The following LRRC4C variants were observed in gnomAD, a reference collection of about 807,000 sequenced individuals.
LRRC4C encodes the protein leucine rich repeat containing 4C, also known as leucine-rich repeat-containing protein 4C.
LRRC4C carries 5 observed loss-of-function variants against 33.6 expected under a neutral mutation model. The observed-to-expected ratio is 0.15, with a 90% CI of 0.08 to 0.31. LRRC4C has a LOEUF of 0.31. Ranked by LOEUF, LRRC4C falls within the 10% of genes least tolerant of loss-of-function variation. The pLI, the probability that LRRC4C is intolerant of heterozygous loss-of-function variation, is 1.00. For synonymous variants in LRRC4C, 329 were observed against 302.0 expected (o/e 1.09, Z -0.93); for missense variants, 560 against 796.7 (o/e 0.70, Z 3.58).
rs531585181 is a variant in LRRC4C, at chr11:40,558,702, A to T, written c.-270+89440T>A. On this transcript the variant is annotated intron_variant, in intron 3 of 6. Transcript: ENST00000528697. ...TTAGCCTAAACGGACATGATTTTTT[A>T]AAAACTTTTATATTAGGTTTGGGAG... is the stretch of plus-strand genomic sequence containing the variant. 5.9e-5 allele frequency among the ~76,000 whole-genome samples: 9 copies of T among 152,262 alleles called. No homozygotes were observed. The South Asian group carries it at 1.9e-3, about 32-fold the overall frequency.
At chr11:41,353,666 A>G (rs1952059941) in intron 1 of LRRC4C, among the ~76,000 whole-genome samples, 1 of 152,224 alleles carries the variant, frequency 6.6e-6, no homozygotes, top group Non-Finnish European at 1.5e-5. Flanking sequence ...CAAAAAGCTA[A>G]TCTACCACAA....
chr11:40,886,130 C>T (rs528399802), intron 2 of LRRC4C, among the ~76,000 whole-genome samples: 2 of 152,130 alleles, frequency 1.3e-5, no homozygotes, highest in African/African-American at 2.4e-5. Context: ...ATAAATAATA[C>T]ACTTATATTT....
At chr11:40,972,527 T>C (rs559598749) in intron 1 of LRRC4C, among the ~76,000 whole-genome samples, 1 of 152,136 alleles carries the variant, frequency 6.6e-6, no homozygotes, top group Non-Finnish European at 1.5e-5. Context: ...CATACTACTA[T>C]AAAGAACTGT....
chr11:40,425,415 A>C (rs1366620542), intron 3 of LRRC4C, among the ~76,000 whole-genome samples: 1 of 152,174 alleles, frequency 6.6e-6, no homozygotes, highest in Non-Finnish European at 1.5e-5. Context: ...ACTGGAGGAA[A>C]TTTTGTTTGC....
At chr11:40,373,029 T>C (rs551157309) in intron 3 of LRRC4C, among the ~76,000 whole-genome samples, 1 of 152,166 alleles carries the variant, frequency 6.6e-6, no homozygotes, top group Admixed American at 6.5e-5. Flanking sequence ...CTGGTAATGG[T>C]GAGCTAGTTC....
intron 1 of LRRC4C, among the ~76,000 whole-genome samples, chr11:41,282,907 T>C (rs1668810987): frequency 6.6e-6 from 1 of 152,182 alleles, no homozygotes; most frequent in African/African-American, 2.4e-5. Flanking sequence ...GAAACTGGTA[T>C]TCTTTTATCA....
At chr11:41,416,858 T>A (rs535648155) in intron 1 of LRRC4C, among the ~76,000 whole-genome samples, 1 of 152,164 alleles carries the variant, frequency 6.6e-6, no homozygotes, top group East Asian at 1.9e-4. Context: ...ATACCCCTGG[T>A]GTCATTTGAG....
intron 5 of LRRC4C, among the ~76,000 whole-genome samples, chr11:40,231,338 T>C (rs1736612842): frequency 6.6e-6 from 1 of 152,236 alleles, no homozygotes; most frequent in Non-Finnish European, 1.5e-5. Context: ...TAAGATGATA[T>C]GTCATTTTGA....
intron 4 of LRRC4C, among the ~76,000 whole-genome samples, chr11:40,265,117 T>C (rs1010733417): frequency 2.6e-5 from 4 of 152,128 alleles, no homozygotes; most frequent in African/African-American, 9.7e-5. Context: ...CCAAATTAAT[T>C]TTCCCTCCTT....
At chr11:40,772,351 G>A (rs990872856) in intron 2 of LRRC4C, among the ~76,000 whole-genome samples, 6 of 152,092 alleles carry the variant, frequency 3.9e-5, no homozygotes, top group Middle Eastern at 3.2e-3. Flanking sequence ...TACTTCCCAC[G>A]AGGTCCCTCT....
chr11:40,313,247 C>G (rs1945403504), intron 4 of LRRC4C, among the ~76,000 whole-genome samples: 1 of 152,116 alleles, frequency 6.6e-6, no homozygotes, highest in Non-Finnish European at 1.5e-5. Flanking sequence ...CCCTTCAATT[C>G]TGTGACTTAC....
intron 1 of LRRC4C, among the ~76,000 whole-genome samples, chr11:40,982,069 T>C (rs773835537): frequency 1.6e-4 from 24 of 152,146 alleles, no homozygotes; most frequent in Non-Finnish European, 2.8e-4. Context: ...TTCCCCAAAA[T>C]ATTACTGGAT....
At chr11:40,785,278 C>T (rs2137315471) in intron 2 of LRRC4C, among the ~76,000 whole-genome samples, 1 of 152,210 alleles carries the variant, frequency 6.6e-6, no homozygotes, top group South Asian at 2.1e-4. Context: ...ATTTCAGTCC[C>T]ATCATTTTTC....
intron 5 of LRRC4C, among the ~76,000 whole-genome samples, chr11:40,167,810 C>T (rs1221869149): frequency 4.6e-5 from 7 of 151,988 alleles, no homozygotes; most frequent in African/African-American, 9.7e-5. Flanking sequence ...TTTGGGAGGC[C>T]GAGGCAGGTG....
intron 1 of LRRC4C, among the ~76,000 whole-genome samples, chr11:40,987,991 A>T (rs1853197386): frequency 2.0e-5 from 3 of 151,956 alleles, no homozygotes; most frequent in Admixed American, 2.0e-4. Context: ...TTGTGCCTCT[A>T]TGTGGATCAA....
intron 3 of LRRC4C, among the ~76,000 whole-genome samples, chr11:40,554,222 G>C (rs72885192): frequency 0.03 from 4,618 of 152,120 alleles, 176 homozygotes; most frequent in African/African-American, 0.094. Flanking sequence ...TTATTTTTAT[G>C]TACTTTGTTG....
chr11:40,800,037 A>G (rs1950980916), intron 2 of LRRC4C, among the ~76,000 whole-genome samples: 1 of 152,212 alleles, frequency 6.6e-6, no homozygotes, highest in Admixed American at 6.6e-5. Context: ...AAAAAGAGGG[A>G]AAAAGAACAA....
chr11:40,648,790 T>G (rs146367055), intron 2 of LRRC4C, among the ~76,000 whole-genome samples: 3 of 152,202 alleles, frequency 2.0e-5, no homozygotes, highest in African/African-American at 7.2e-5. Flanking sequence ...CCACTCCCAA[T>G]ATTTCAGCGT....
At chr11:40,619,700 C>T (rs1030584170) in intron 3 of LRRC4C, among the ~76,000 whole-genome samples, 3 of 151,698 alleles carry the variant, frequency 2.0e-5, no homozygotes, top group Non-Finnish European at 4.4e-5. Context: ...CAAGTTAGTC[C>T]CTCTTGGTAT....
Sources: allele counts gnomAD v4.1 joint callset (sites outside exome capture counted in the v4.1 genomes callset), GRCh38; gene constraint gnomAD v4.1.1; transcripts MANE v1.5; gene names NCBI Gene and HGNC (gene_info 2026-07-23, HGNC 2026-07-21).